The following ZNF718 variants were observed in gnomAD, a reference collection of about 807,000 sequenced individuals.
The protein encoded by ZNF718 is zinc finger protein 718.
Under a neutral mutation model 2.6 loss-of-function variants are expected in ZNF718, and 3 were observed. The ratio of observed to expected loss-of-function variants is 1.16; its 90% CI spans 0.53 to 3.01. The LOEUF (loss-of-function observed/expected upper bound fraction) is 3.01. ZNF718 is among the 30% of genes most tolerant of loss of function. The pLI is 0.03. For synonymous variants in ZNF718, 135 were observed against 77.9 expected (o/e 1.73, Z -3.86); for missense variants, 468 against 230.0 (o/e 2.03, Z -6.69).
chr4:139,614 A>G (rs529498460), intron 3 of ZNF718, among the ~76,000 whole-genome samples: 105 of 152,342 alleles, frequency 6.9e-4, no homozygotes, highest in African/African-American at 1.6e-3. Flanking sequence ...TTCATTTTCA[A>G]TAAATCACTT....
rs1717006046 is a variant in ZNF718 at position 163,679 on chromosome 4, T to A, written c.*1557T>A. The A allele has an allele frequency of 6.6e-6, 1 of 152,186 alleles. No individual in the cohort carries two copies. Among genetic ancestry groups the A allele is most frequent in the Non-Finnish European group, 1.5e-5 (1 of 68,030 alleles). 9.4% of individuals were successfully genotyped at this position (152,186 alleles called of 1,614,324 possible). A position where few individuals can be genotyped will look rare whatever the true frequency, so the allele number is the denominator to read the frequency against. On this transcript the variant is annotated 3_prime_UTR_variant, in exon 4 of 4. Transcript: ENST00000510175. ...TTATGTAATAAAATACAGTAAATTTTAAAATTCTCTTTTAAGATTGTGTGT... is the reference window on the plus strand; with the variant it reads ...TTATGTAATAAAATACAGTAAATTTAAAAATTCTCTTTTAAGATTGTGTGT...
In ZNF718 at chr4:175,160, C is replaced by T. The variant is rs1170953045; in HGVS notation, c.227-25921C>T. Among the ~76,000 whole-genome samples, 13 of 152,346 alleles carry T rather than the reference C, an allele frequency of 8.5e-5. 1 individual carries two copies. Among genetic ancestry groups the T allele is most frequent in the African/African-American group, 2.9e-4 (12 of 41,582 alleles). On this transcript the variant is annotated intron_variant and NMD_transcript_variant, in intron 3 of 4. Coordinates refer to the ZNF718 transcript ENST00000642529. ...AAATCCCTGACTCAATTTCAAGAGG[C>T]CATCCGGAGTTTGCCTGCCTAAGTG...
At chr4:187,285 G>A (rs1367482979) in intron 3 of ZNF718, among the ~76,000 whole-genome samples, 1 of 152,014 alleles carries the variant, frequency 6.6e-6, no homozygotes, top group African/African-American at 2.4e-5. Context: ...GGAGTGCAGT[G>A]GTGTGATCTC....
At chr4:153,767 A>G (rs1253583715) in intron 3 of ZNF718, among the ~76,000 whole-genome samples, 4 of 152,224 alleles carry the variant, frequency 2.6e-5, no homozygotes, top group Admixed American at 1.3e-4. Flanking sequence ...TGACAAATCT[A>G]TGGCTGAACA....
At chr4:186,651 A>C (rs1479156739) in intron 3 of ZNF718, among the ~76,000 whole-genome samples, 1 of 152,180 alleles carries the variant, frequency 6.6e-6, no homozygotes, top group African/African-American at 2.4e-5. Context: ...TATTTCAGAA[A>C]GGACAGTCTT....
chr4:181,724 A>T (rs1717468634), intron 3 of ZNF718, among the ~76,000 whole-genome samples: 1 of 152,090 alleles, frequency 6.6e-6, no homozygotes, highest in Non-Finnish European at 1.5e-5. Context: ...ACTTGGGTAA[A>T]TGTGTGCCAT....
intron 3 of ZNF718, among the ~76,000 whole-genome samples, chr4:144,571 G>A (rs1184752773): frequency 6.6e-6 from 1 of 152,122 alleles, no homozygotes; most frequent in African/African-American, 2.4e-5. Context: ...GATAGGAATT[G>A]CATTAAATCT....
chr4:161,088 T>TTATTAA lies in ZNF718; in HGVS notation c.404_409dup (p.Leu136_Thr137insIleLeu). On this transcript the variant is annotated inframe_insertion, in exon 4 of 4. Transcript: ENST00000510175. ...TGGTTATAATAGAATTAACCAATGC[T>TTATTAA]TATTAACTACCCAGAAAAAAACAAT... 1.3e-6 allele frequency: 1 copy of TTATTAA among 775,332 alleles called. No individual in the cohort carries two copies. The highest frequency in any genetic ancestry group is 2.4e-6 in the Non-Finnish European group (1 of 414,950). 48.0% of individuals were successfully genotyped at this position (775,332 alleles called of 1,614,324 possible).
chr4:174,127 T>C (rs782410659), intron 3 of ZNF718, among the ~76,000 whole-genome samples: 4 of 152,152 alleles, frequency 2.6e-5, no homozygotes, highest in Non-Finnish European at 5.9e-5. Context: ...CCTCACCCTT[T>C]GCCCTAGGGT....
Position 130,919 on chromosome 4 carries a change from G to T in ZNF718, c.130+5G>T. 2.9e-6 allele frequency: 1 copy of T among 339,494 alleles called. No homozygotes were observed. The highest frequency in any genetic ancestry group is 5.8e-5 in the South Asian group (1 of 17,226). 21.0% of individuals were successfully genotyped at this position (339,494 alleles called of 1,614,324 possible). On this transcript the variant is annotated splice_donor_5th_base_variant and intron_variant, in intron 2 of 3. Transcript: ENST00000510175. ...ACAGAAACCTGGTCTCCCTGGGTAA[G>T]GATAACTTTAATATGTAATTCCTAA...
chr4:169,837 G>T (rs1441505779), intron 3 of ZNF718, among the ~76,000 whole-genome samples: 4 of 151,968 alleles, frequency 2.6e-5, no homozygotes, highest in East Asian at 1.9e-4. Flanking sequence ...GGAGTATTTA[G>T]CCCATTTACA....
chr4:190,468 G>C (rs937025932), intron 3 of ZNF718, among the ~76,000 whole-genome samples: 3 of 149,728 alleles, frequency 2.0e-5, no homozygotes, highest in African/African-American at 7.3e-5. Context: ...TCAATATAAT[G>C]AGGAAAATAG....
At chr4:164,606 A>G (rs1717044298), downstream of ZNF718, among the ~76,000 whole-genome samples, 1 of 152,044 alleles carries the variant, frequency 6.6e-6, no homozygotes. Context: ...AATTATAAGA[A>G]TGATTTTTAT....
chr4:192,336 CT>C (rs1379847290), intron 3 of ZNF718, among the ~76,000 whole-genome samples: 1 of 152,234 alleles, frequency 6.6e-6, no homozygotes, highest in African/African-American at 2.4e-5. Flanking sequence ...GTCCCTCCCC[CT>C]GTGCTCTCAG....
rs1447770805 is a variant in ZNF718, at chr4:163,736, G to A, written c.*1614G>A. On this transcript the variant is annotated 3_prime_UTR_variant, in exon 4 of 4. Coordinates refer to ENST00000510175, the MANE Select transcript of ZNF718 (RefSeq NM_001039127.6). ...TACTCAAGGGTGTAGGTAAAAAATG[G>A]TAACAGTATACTTTTAGTAACATAG... The A allele has an allele frequency of 1.3e-5, 2 of 152,076 alleles. No individual in the cohort carries two copies. Among genetic ancestry groups the A allele is most frequent in the African/African-American group, 4.8e-5 (2 of 41,406 alleles). The allele number at this position is 152,076 out of a possible 1,614,324, so 9.4% of individuals were successfully genotyped here. A position where few individuals can be genotyped will look rare whatever the true frequency, so the allele number is the denominator to read the frequency against.
intron 3 of ZNF718, among the ~76,000 whole-genome samples, chr4:183,107 TTC>T (rs1489196271): frequency 6.6e-6 from 1 of 152,206 alleles, no homozygotes; most frequent in African/African-American, 2.4e-5. Context: ...TGCCTTGGTT[TTC>T]TTCTAGGGTT....
chr4:191,198 G>C (rs372234560), intron 3 of ZNF718, among the ~76,000 whole-genome samples: 1 of 144,446 alleles, frequency 6.9e-6, no homozygotes, highest in Non-Finnish European at 1.5e-5. Flanking sequence ...CCCCAGGCTG[G>C]AGTGCGGTGG....
chr4:182,420 T>G (rs1717486184), intron 3 of ZNF718, among the ~76,000 whole-genome samples: 1 of 85,232 alleles, frequency 1.2e-5, no homozygotes, highest in Non-Finnish European at 2.8e-5. Context: ...ATTTATTTAT[T>G]TATTTATTTA....
chr4:194,817 A>C (rs1202293773), intron 3 of ZNF718, among the ~76,000 whole-genome samples: 1 of 152,194 alleles, frequency 6.6e-6, no homozygotes, highest in African/African-American at 2.4e-5. Flanking sequence ...AATGTTTCCC[A>C]TCTGAAAAAA....
Sources: allele counts gnomAD v4.1 joint callset (sites outside exome capture counted in the v4.1 genomes callset), GRCh38; gene constraint gnomAD v4.1.1; transcripts MANE v1.5; gene names NCBI Gene and HGNC (gene_info 2026-07-23, HGNC 2026-07-21).